The following NHSL3 variants were observed in gnomAD, a reference collection of about 807,000 sequenced individuals.
NHSL3 encodes NHS like 3.
At chr1:32,771,812 T>C in the NHSL3 span, 1 of 1,612,570 alleles carries the variant, frequency 6.2e-7, no homozygotes, top group Admixed American at 1.7e-5. Flanking sequence ...GGTGCGCCCC[T>C]GGTCACGCCC....
chr1:32,755,914 G>C, the NHSL3 span, among the ~76,000 whole-genome samples: 1 of 152,094 alleles, frequency 6.6e-6, no homozygotes, highest in Non-Finnish European at 1.5e-5. Flanking sequence ...TCTGATGGTC[G>C]CTCGGATCTG....
the NHSL3 span, among the ~76,000 whole-genome samples, chr1:32,756,470 A>AGG: frequency 2.0e-5 from 1 of 50,542 alleles, no homozygotes; most frequent in Non-Finnish European, 3.5e-5. Context: ...ACATGACGAG[A>AGG]CCCCCCCCCC....
chr1:32,769,471 A>G, the NHSL3 span, among the ~76,000 whole-genome samples: 1 of 152,226 alleles, frequency 6.6e-6, no homozygotes, highest in African/African-American at 2.4e-5. Context: ...GTAAGCTATC[A>G]CTAAAGGGAA....
the NHSL3 span, among the ~76,000 whole-genome samples, chr1:32,746,653 G>A: frequency 6.6e-5 from 10 of 152,186 alleles, no homozygotes; most frequent in Non-Finnish European, 1.3e-4. Flanking sequence ...ACTCTGGAGT[G>A]TAAGGCACTG....
At chr1:32,760,438 T>G in the NHSL3 span, among the ~76,000 whole-genome samples, 2 of 152,174 alleles carry the variant, frequency 1.3e-5, no homozygotes, top group African/African-American at 2.4e-5. Context: ...TTCCCCAGGC[T>G]TAGGAAAGCC....
chr1:32,751,451 A>C, the NHSL3 span, among the ~76,000 whole-genome samples: 1 of 152,168 alleles, frequency 6.6e-6, no homozygotes, highest in Non-Finnish European at 1.5e-5. Flanking sequence ...GGGGTTACTC[A>C]AAGGAGTCAG....
At chr1:32,762,026 G>T in the NHSL3 span, among the ~76,000 whole-genome samples, 3 of 152,160 alleles carry the variant, frequency 2.0e-5, no homozygotes. Flanking sequence ...GCCAGAGAGG[G>T]CAGCTTTATA....
At chr1:32,770,575 G>C in the NHSL3 span, 13 of 1,523,692 alleles carry the variant, frequency 8.5e-6, no homozygotes, top group Middle Eastern at 3.6e-4. This position sits in a 1 kb window ranked among gnomAD's most constrained non-coding sequence, Gnocchi z 8.3. Context: ...CTCTCCCAGT[G>C]GGGGCAGCAC....
the NHSL3 span, among the ~76,000 whole-genome samples, chr1:32,767,552 G>A: frequency 6.6e-6 from 1 of 152,086 alleles, no homozygotes; most frequent in Non-Finnish European, 1.5e-5. Context: ...TTTGTGTGGT[G>A]TGGGTACTCA....
the NHSL3 span, among the ~76,000 whole-genome samples, chr1:32,744,569 A>C: frequency 2.0e-5 from 3 of 152,180 alleles, no homozygotes; most frequent in Non-Finnish European, 4.4e-5. Flanking sequence ...TGTTCAACTC[A>C]CTTTACAGAT....
At chr1:32,753,979 C>T in the NHSL3 span, 9 of 367,028 alleles carry the variant, frequency 2.5e-5, no homozygotes, top group Admixed American at 9.8e-5. Context: ...GGGCTGGGGG[C>T]GCCCGCGGTG....
At chr1:32,768,933 T>G in the NHSL3 span, 1 of 945,440 alleles carries the variant, frequency 1.1e-6, no homozygotes, top group Non-Finnish European at 1.5e-6. Context: ...TGATACACAC[T>G]AACTATAAAG....
chr1:32,768,151 C>T, the NHSL3 span: 1 of 1,384,936 alleles, frequency 7.2e-7, no homozygotes, highest in Non-Finnish European at 1.0e-6. Flanking sequence ...CCTGACTCTT[C>T]TCTACCTGCT....
chr1:32,771,022 C>T, the NHSL3 span: 14 of 1,612,412 alleles, frequency 8.7e-6, no homozygotes, highest in Middle Eastern at 1.7e-4. Context: ...TAAACCAGAG[C>T]GTGTCACGTC....
At chr1:32,771,648 T>A in the NHSL3 span, 1 of 1,612,112 alleles carries the variant, frequency 6.2e-7, no homozygotes, top group Non-Finnish European at 8.5e-7. Flanking sequence ...CCTCAGCTAC[T>A]GCTTTGCAGA....
At chr1:32,774,860 T>A in the NHSL3 span, 2 of 152,540 alleles carry the variant, frequency 1.3e-5, no homozygotes, top group Non-Finnish European at 2.9e-5. Context: ...CTTTAAATTT[T>A]TGAGTCTTTG....
chr1:32,757,345 C>T, the NHSL3 span, among the ~76,000 whole-genome samples: 1 of 149,102 alleles, frequency 6.7e-6, no homozygotes, highest in African/African-American at 2.5e-5. Flanking sequence ...GGGGCAGGTG[C>T]AGGCAGGACA....
At chr1:32,754,117 G>T in the NHSL3 span, 1 of 711,158 alleles carries the variant, frequency 1.4e-6, no homozygotes, top group East Asian at 2.7e-5. Flanking sequence ...CAAGAGGAAG[G>T]CCCCCAGCGG....
chr1:32,770,809 G>T, the NHSL3 span: 1 of 1,595,510 alleles, frequency 6.3e-7, no homozygotes, highest in Non-Finnish European at 8.5e-7. The surrounding 1 kb of genome is among the most constrained non-coding windows in gnomAD (Gnocchi z 8.3). Context: ...TGGCTCAGAA[G>T]GGGCGGGGGC....
Sources: allele counts gnomAD v4.1 joint callset (sites outside exome capture counted in the v4.1 genomes callset), GRCh38; gene constraint gnomAD v4.1.1; non-coding constraint Gnocchi (gnomAD v3.1); transcripts MANE v1.5; gene names NCBI Gene and HGNC (gene_info 2026-07-23, HGNC 2026-07-21).